MYCBP2: variants seen among roughly 807,000 people sequenced by gnomAD.
MYCBP2 encodes E3 ubiquitin-protein ligase MYCBP2.
In MYCBP2, 120 loss-of-function variants were observed where a neutral mutation model predicts 525.3. The ratio of observed to expected loss-of-function variants is 0.23; its 90% CI spans 0.20 to 0.27. The LOEUF is 0.27. Among genes scored for constraint, MYCBP2 ranks in the 10% least tolerant of loss-of-function variants. MYCBP2 has a pLI of 1.00. For missense variants in MYCBP2, 4,149 were observed against 5,657.1 expected, an observed-to-expected ratio of 0.73 and a Z score of 8.55; for synonymous variants, 1,894 against 1,955.8, an observed-to-expected ratio of 0.97 and a Z score of 0.83.
intron 44 of MYCBP2, among the ~76,000 whole-genome samples, chr13:77,159,237 ATC>A (rs780349842): frequency 4.6e-5 from 7 of 152,210 alleles, no homozygotes; most frequent in African/African-American, 1.4e-4. Context: ...TCATCAAATA[ATC>A]TCTCTTACAC....
intron 34 of MYCBP2, 61 bp from the exon 35 acceptor site, chr13:77,178,015 G>A: frequency 4.9e-6 from 5 of 1,020,082 alleles, no homozygotes; most frequent in Admixed American, 3.5e-5. Context: ...ACCATCCAAA[G>A]GTTTCTAAGA....
chr13:77,304,654 T>C (rs1222767661), intron 1 of MYCBP2, among the ~76,000 whole-genome samples: 3 of 152,168 alleles, frequency 2.0e-5, no homozygotes, highest in Admixed American at 6.5e-5. Flanking sequence ...TCGGAGGTGA[T>C]AAATATGCTA....
In MYCBP2 at chr13:77,212,621, T is replaced by C. The variant is rs2154282670; in HGVS notation, c.3058-461A>G. On this transcript the variant is annotated intron_variant, in intron 21 of 82. Coordinates refer to ENST00000544440, the MANE Select transcript of MYCBP2 (RefSeq NM_015057.5). ...CATGTAAAAAGACCAAAATAAATAC[T>C]GAAACTGTGAATACAATTAGAAAAA... 2.0e-5 allele frequency among the ~76,000 whole-genome samples: 3 copies of C among 152,316 alleles called. No individual in the cohort carries two copies. The South Asian group carries it at 6.2e-4, about 32-fold the overall frequency.
At chr13:77,052,399 A>G (rs953964828) in intron 80 of MYCBP2, among the ~76,000 whole-genome samples, 5 of 152,098 alleles carry the variant, frequency 3.3e-5, no homozygotes, top group East Asian at 1.9e-4. Flanking sequence ...GAGTCTCCCT[A>G]TGCTGCCCAG....
At position 77,263,641 on chromosome 13, in the gene MYCBP2, G is replaced by A. The variant is rs375634583; in HGVS notation, c.1570+10C>T. On this transcript the variant is annotated intron_variant, in intron 10 of 82. Transcript: ENST00000544440. Reference sequence around the variant, plus strand: ...AAAATATAGGGAAAACACTTAATTTGCTATCTTACTTATAATATGCAAGTC... The same window carrying A: ...AAAATATAGGGAAAACACTTAATTTACTATCTTACTTATAATATGCAAGTC... 1.2e-5 allele frequency: 19 copies of A among 1,602,332 alleles called. No homozygotes were observed. The Admixed American group carries it at 3.1e-4, about 26-fold the overall frequency.
At chr13:77,251,456 CA>C in intron 14 of MYCBP2, 101 bp from the exon 15 acceptor site, 2 of 952,668 alleles carry the variant, frequency 2.1e-6, no homozygotes, top group Non-Finnish European at 3.2e-6. Context: ...CATGCTAATC[CA>C]AGCAATTATA....
rs145572767 is a variant in MYCBP2 at position 77,050,873 on chromosome 13, C to T, written c.13921+124G>A. ...TAAGCTTACAAGGATCAAGGAATTC[C>T]TCCTGCTTCTTTAGGCTAGTTTGAA... On this transcript the variant is annotated intron_variant, in intron 82 of 82. Coordinates refer to ENST00000544440, the MANE Select transcript of MYCBP2 (RefSeq NM_015057.5). 752 of 810,430 alleles carry T rather than the reference C, an allele frequency of 9.3e-4. 3 individuals are homozygous for T. Among genetic ancestry groups the T allele is most frequent in the Non-Finnish European group, 1.1e-3 (561 of 518,024 alleles). 50.2% of individuals were successfully genotyped at this position (810,430 alleles called of 1,614,324 possible).
intron 82 of MYCBP2, among the ~76,000 whole-genome samples, chr13:77,050,337 T>C (rs2036524234): frequency 6.6e-6 from 1 of 152,180 alleles, no homozygotes. Flanking sequence ...TTTTCACTAA[T>C]TTCAGATATA....
At chr13:77,219,224 C>T (rs1308263444) in intron 20 of MYCBP2, among the ~76,000 whole-genome samples, 5 of 152,066 alleles carry the variant, frequency 3.3e-5, no homozygotes, top group African/African-American at 1.2e-4. Context: ...CTCAAGGAGA[C>T]TCATTGGAGG....
Position 77,191,699 on chromosome 13 carries a change from T to C in MYCBP2, c.4050A>G (p.Ala1350=), listed in dbSNP as rs760759304. 4.3e-6 allele frequency: 7 copies of C among 1,614,046 alleles called. No individual in the cohort carries two copies. Among genetic ancestry groups the C allele is most frequent in the East Asian group, 2.2e-5 (1 of 44,884 alleles). The change falls in exon 28 of 83, where the codon GCA becomes GCG. Residue 1350 remains alanine (A), a synonymous_variant. Transcript: ENST00000544440. ...PSSDCGSHGQ[A]SITTDDGVVF... is the part of the protein sequence containing the mutation. ...CTTACCCATCATCTGTGGTAATAGA[T>C]GCCTGTCCATGAGATCCACAGTCAC... is the stretch of plus-strand genomic sequence containing the variant.
intron 10 of MYCBP2, 51 bp from the exon 11 acceptor site, chr13:77,262,180 T>C (rs2073411399): frequency 3.5e-6 from 5 of 1,423,562 alleles, no homozygotes; most frequent in Non-Finnish European, 4.9e-6. Flanking sequence ...TGAAGAATTC[T>C]AAATACAACA....
chr13:77,286,126 T>C (rs144137984), intron 3 of MYCBP2, among the ~76,000 whole-genome samples: 175 of 152,138 alleles, frequency 1.2e-3, no homozygotes, highest in African/African-American at 4.0e-3. Context: ...AACCTGACAA[T>C]ATGATTAAGG....
intron 1 of MYCBP2, among the ~76,000 whole-genome samples, chr13:77,305,345 G>A (rs2079278808): frequency 6.6e-6 from 1 of 152,026 alleles, no homozygotes. Flanking sequence ...AGAGAATGTT[G>A]TTTACCCATA....
At chr13:77,139,169 T>C (rs1379950212) in intron 52 of MYCBP2, 27 bp downstream of exon 52, 2 of 1,608,014 alleles carry the variant, frequency 1.2e-6, no homozygotes, top group African/African-American at 2.7e-5. Context: ...GTATCTATAA[T>C]GCTTTTTAAA....
chr13:77,140,879 C>G lies in MYCBP2; in HGVS notation c.7368G>C (p.Leu2456Phe). The G allele has an allele frequency of 6.2e-7, 1 of 1,612,812 alleles. No homozygotes were observed. The highest frequency in any genetic ancestry group is 8.5e-7 in the Non-Finnish European group (1 of 1,179,638). Residue 2456 changes from leucine (L) to phenylalanine (F), a missense_variant, in exon 50 of 83, where the codon TTG (leucine) becomes TTC (phenylalanine). Transcript: ENST00000544440. ...GCTGAGGTTCAGACTTTGGTTTGAC[C>G]AACTGAGTTCCTGGTGGTATCATCC... ...PKGMIPPGTQ[L>F]VKPKSEPQPN... is the part of the protein sequence containing the mutation.
intron 52 of MYCBP2, among the ~76,000 whole-genome samples, chr13:77,133,672 T>C (rs2053281876): frequency 6.6e-6 from 1 of 152,154 alleles, no homozygotes; most frequent in South Asian, 2.1e-4. Flanking sequence ...CCAGTACATA[T>C]CTGTTTTCCA....
At chr13:77,159,893 A>AT (rs1170209214) in intron 44 of MYCBP2, among the ~76,000 whole-genome samples, 1 of 152,086 alleles carries the variant, frequency 6.6e-6, no homozygotes, top group African/African-American at 2.4e-5. Flanking sequence ...CATATTGTTT[A>AT]TTATATATCT....
chr13:77,237,951 T>C (rs2068186011), intron 17 of MYCBP2, among the ~76,000 whole-genome samples: 1 of 152,026 alleles, frequency 6.6e-6, no homozygotes, highest in African/African-American at 2.4e-5. Flanking sequence ...GCTTAAAAAG[T>C]AATAGCAACA....
intron 17 of MYCBP2, among the ~76,000 whole-genome samples, chr13:77,238,242 CAAAAAAAAAAAAAA>C (rs772175406): frequency 1.1e-4 from 3 of 28,310 alleles, no homozygotes; most frequent in African/African-American, 1.1e-4. Context: ...GACTCCGTCT[CAAAAAAAAAAAAAA>C]AAAAAAAAAA....
Sources: allele counts gnomAD v4.1 joint callset (sites outside exome capture counted in the v4.1 genomes callset), GRCh38; gene constraint gnomAD v4.1.1; transcripts MANE v1.5; gene names NCBI Gene and HGNC (gene_info 2026-07-23, HGNC 2026-07-21).